FAR2: variants seen among roughly 807,000 people sequenced by gnomAD.
The protein encoded by FAR2 is fatty acyl-CoA reductase 2, also known as epididymis secretory protein Li 81.
A neutral mutation model predicts 56.0 loss-of-function variants in FAR2; 19 were observed. That is an observed-to-expected ratio of 0.34 (90% CI 0.24 to 0.50). The LOEUF (loss-of-function observed/expected upper bound fraction) is 0.50. Among genes scored for constraint, FAR2 ranks in the 20% least tolerant of loss-of-function variants. The pLI is 0.98. For synonymous variants in FAR2, 219 were observed against 218.8 expected, an observed-to-expected ratio of 1.00 and a Z score of -0.01; for missense variants, 508 against 642.2, an observed-to-expected ratio of 0.79 and a Z score of 2.26.
chr12:29,171,873 C>G (rs1248427139), intron 1 of FAR2: 1 of 153,506 alleles, frequency 6.5e-6, no homozygotes, highest in Non-Finnish European at 1.4e-5. Flanking sequence ...TGAGGAGCGT[C>G]TCTGCCCTGC....
intron 1 of FAR2, among the ~76,000 whole-genome samples, chr12:29,225,667 G>A (rs1326169331): frequency 6.6e-6 from 1 of 152,158 alleles, no homozygotes; most frequent in Non-Finnish European, 1.5e-5. Context: ...CTAAGACAAT[G>A]GGGCAAATGC....
chr12:29,197,814 G>T (rs1314773019), intron 1 of FAR2, among the ~76,000 whole-genome samples: 3 of 152,046 alleles, frequency 2.0e-5, no homozygotes, highest in Non-Finnish European at 2.9e-5. Context: ...TGTATCAGAG[G>T]CTCTGTTGAT....
At chr12:29,277,382 A>T (rs926475225) in intron 2 of FAR2, 4 of 152,194 alleles carry the variant, frequency 2.6e-5, no homozygotes, top group Non-Finnish European at 5.9e-5. Context: ...GAGTGAGAAA[A>T]GTTGAACAAG....
chr12:29,158,477 A>G lies in FAR2; in HGVS notation c.-39+9070A>G, dbSNP rs557845119. Among the ~76,000 whole-genome samples, 55 of 152,364 alleles carry G rather than the reference A, an allele frequency of 3.6e-4. 1 individual carries two copies. The highest frequency in any genetic ancestry group is 1.3e-3 in the African/African-American group (55 of 41,586). On this transcript the variant is annotated intron_variant, in intron 1 of 11. Coordinates refer to ENST00000536681, the MANE Select transcript of FAR2 (RefSeq NM_001271783.2). ...TCTTTCTCAGCAACTTGTACTTGCC[A>G]TAACTCTCTTCTTAGCAGAAGTGTG...
intron 1 of FAR2, among the ~76,000 whole-genome samples, chr12:29,175,325 C>G (rs1318331830): frequency 2.0e-5 from 3 of 152,148 alleles, no homozygotes; most frequent in African/African-American, 4.8e-5. Context: ...GGTGGTGGGT[C>G]TGGAGTCTGT....
intron 1 of FAR2, among the ~76,000 whole-genome samples, chr12:29,200,382 A>G: frequency 6.6e-6 from 1 of 152,326 alleles, no homozygotes; most frequent in Admixed American, 6.5e-5. Flanking sequence ...AACGAAGAGA[A>G]TAGAGTTTCA....
At chr12:29,249,769 AC>A in intron 1 of FAR2, among the ~76,000 whole-genome samples, 1 of 152,208 alleles carries the variant, frequency 6.6e-6, no homozygotes, top group Admixed American at 6.5e-5. Context: ...AGGGTAAAAA[AC>A]TCCAAATCAT....
At chr12:29,191,684 G>A (rs1950104014) in intron 1 of FAR2, among the ~76,000 whole-genome samples, 1 of 152,132 alleles carries the variant, frequency 6.6e-6, no homozygotes, top group African/African-American at 2.4e-5. Flanking sequence ...TAATTGCTAT[G>A]GGAACTGTAA....
intron 1 of FAR2, among the ~76,000 whole-genome samples, chr12:29,227,557 T>C (rs2136646240): frequency 6.6e-6 from 1 of 152,314 alleles, no homozygotes; most frequent in East Asian, 1.9e-4. Context: ...TTTACAGTAC[T>C]TGCCCCAAGG....
intron 2 of FAR2, 114 bp downstream of exon 2, chr12:29,270,752 T>A: frequency 1.2e-6 from 1 of 866,000 alleles, no homozygotes; most frequent in Non-Finnish European, 1.6e-6. Context: ...CCTGCACAGG[T>A]AGAGGAAGGC....
At chr12:29,242,569 C>A (rs924029962) in intron 1 of FAR2, among the ~76,000 whole-genome samples, 1 of 152,176 alleles carries the variant, frequency 6.6e-6, no homozygotes, top group Non-Finnish European at 1.5e-5. Flanking sequence ...ATATATTCAA[C>A]CTATGGTAAA....
intron 1 of FAR2, among the ~76,000 whole-genome samples, chr12:29,232,817 T>TCG (rs949712541): frequency 4.5e-5 from 6 of 132,928 alleles, no homozygotes; most frequent in African/African-American, 9.1e-5. Context: ...ACATACGCGC[T>TCG]CGCGCACACA....
At position 29,303,908 on chromosome 12, in the gene FAR2, G is replaced by C. The variant is rs565346598; in HGVS notation, c.546-3750G>C. Among the ~76,000 whole-genome samples the C allele has an allele frequency of 3.3e-5, 5 of 152,298 alleles. No individual in the cohort carries two copies. The East Asian group carries it at 9.6e-4, about 29-fold the overall frequency. On this transcript the variant is annotated intron_variant, in intron 4 of 11. Coordinates refer to ENST00000536681, the MANE Select transcript of FAR2 (RefSeq NM_001271783.2). ...CAAACTGAGTAATTTTCAAATGGCAGGCCATTGGCAGGGTATTCAGCATCT... is the reference window on the plus strand; with the variant it reads ...CAAACTGAGTAATTTTCAAATGGCACGCCATTGGCAGGGTATTCAGCATCT...
chr12:29,333,875 T>C lies in FAR2; in HGVS notation c.*81T>C. 7.6e-7 allele frequency: 1 copy of C among 1,313,004 alleles called. No individual in the cohort carries two copies. Among genetic ancestry groups the C allele is most frequent in the Non-Finnish European group, 1.1e-6 (1 of 936,626 alleles). The allele number at this position is 1,313,004 out of a possible 1,614,324, so 81.3% of individuals were successfully genotyped here. On this transcript the variant is annotated 3_prime_UTR_variant, in exon 12 of 12. Coordinates refer to ENST00000536681, the MANE Select transcript of FAR2 (RefSeq NM_001271783.2). ...AACTGTGATTCTCAAGATTAGAAAG[T>C]AACAAGGAATATGCCCAAACTGTCA...
intron 1 of FAR2, among the ~76,000 whole-genome samples, chr12:29,220,154 A>G (rs765604186): frequency 6.6e-6 from 1 of 152,130 alleles, no homozygotes; most frequent in Non-Finnish European, 1.5e-5. Context: ...GTTCAAGGTG[A>G]ATTTTTAATG....
chr12:29,270,564 G>C lies in FAR2; in HGVS notation c.115G>C (p.Val39Leu). ...GTTTCGCACCAGCCCAGACCTGAAA[G>C]TCATTTACATCCTTGTGAGGCCCAA... The part of the protein sequence containing the change: ...KLFRTSPDLK[V>L]IYILVRPKAG... Residue 39 changes from valine (V) to leucine (L), a missense_variant, in exon 2 of 12, where the codon GTC (valine) becomes CTC (leucine). Physicochemically the swap from Val to Leu is conservative, Grantham distance 32 (BLOSUM62 1). Transcript: ENST00000536681. 6.2e-7 allele frequency: 1 copy of C among 1,614,166 alleles called. No individual in the cohort carries two copies. The highest frequency in any genetic ancestry group is 8.5e-7 in the Non-Finnish European group (1 of 1,180,000).
chr12:29,185,183 C>G (rs933940652), intron 1 of FAR2, among the ~76,000 whole-genome samples: 1 of 152,022 alleles, frequency 6.6e-6, no homozygotes, highest in Non-Finnish European at 1.5e-5. Flanking sequence ...AAATCTATGT[C>G]AGTTTTTTAC....
chr12:29,184,215 G>A (rs1312040271), intron 1 of FAR2, among the ~76,000 whole-genome samples: 5 of 152,184 alleles, frequency 3.3e-5, no homozygotes, highest in African/African-American at 1.2e-4. Flanking sequence ...GTCTATCCAA[G>A]CCACAGAAAT....
intron 1 of FAR2, among the ~76,000 whole-genome samples, chr12:29,193,154 C>T (rs1449486139): frequency 6.6e-6 from 1 of 152,042 alleles, no homozygotes; most frequent in African/African-American, 2.4e-5. Context: ...TCCCATATCC[C>T]CTGTGCCCCT....
Sources: gnomAD v4.1 joint callset for allele counts (sites outside exome capture counted in the v4.1 genomes callset) on GRCh38, gnomAD v4.1.1 for gene constraint, MANE v1.5 for transcripts, NCBI Gene and HGNC (gene_info 2026-07-23, HGNC 2026-07-21) for gene names.